The following OLFM3 variants were observed in gnomAD, a reference collection of about 807,000 sequenced individuals.
The protein encoded by OLFM3 is olfactomedin 3.
In OLFM3, 20 loss-of-function variants were observed where a neutral mutation model predicts 48.6. That is an observed-to-expected ratio of 0.41 (90% confidence interval 0.29 to 0.60). OLFM3 has a LOEUF of 0.60. OLFM3 is among the 20% of genes least tolerant of loss of function. The probability of loss-of-function intolerance (pLI) is 0.28; values close to 1 mark genes in which losing one functional copy is unlikely to be tolerated. For missense variants in OLFM3, 437 were observed against 544.3 expected (o/e 0.80, Z 1.96); for synonymous variants, 222 against 198.1 (o/e 1.12, Z -1.01).
At chr1:101,944,879 CAA>C (rs35504595) in intron 1 of OLFM3, among the ~76,000 whole-genome samples, 58,512 of 145,722 alleles carry the variant, frequency 0.4, 11,540 homozygotes, top group East Asian at 0.52. Flanking sequence ...GACTCCACCT[CAA>C]AAAAAAAAAA....
At chr1:101,819,638 CT>C (rs570726728) in intron 4 of OLFM3, among the ~76,000 whole-genome samples, 1 of 151,668 alleles carries the variant, frequency 6.6e-6, no homozygotes, top group African/African-American at 2.4e-5. Flanking sequence ...AATCTAGCCT[CT>C]TTTTTTTCTA....
intron 4 of OLFM3, chr1:101,813,189 C>G: frequency 2.2e-6 from 2 of 890,856 alleles, no homozygotes; most frequent in East Asian, 1.3e-4. Context: ...TGGACCAAAT[C>G]TGTATTGAGA....
chr1:101,846,914 G>T (rs780857894), intron 1 of OLFM3: 5 of 1,612,794 alleles, frequency 3.1e-6, no homozygotes, highest in East Asian at 4.5e-5. Flanking sequence ...GGGACATCCA[G>T]TTTGAGATCA....
intron 1 of OLFM3, among the ~76,000 whole-genome samples, chr1:101,984,679 C>A (rs1400764346): frequency 6.6e-6 from 1 of 152,184 alleles, no homozygotes; most frequent in Non-Finnish European, 1.5e-5. Flanking sequence ...GGATTACAGG[C>A]TTGAGCCACT....
intron 1 of OLFM3, among the ~76,000 whole-genome samples, chr1:101,967,296 G>T (rs1660639817): frequency 1.7e-5 from 1 of 58,366 alleles, no homozygotes; most frequent in Non-Finnish European, 3.7e-5. Context: ...TTTCATTTTG[G>T]CCAAAAAACA....
At chr1:101,863,046 C>A (rs113334072) in intron 1 of OLFM3, among the ~76,000 whole-genome samples, 1 of 151,130 alleles carries the variant, frequency 6.6e-6, no homozygotes, top group African/African-American at 2.4e-5. Context: ...TTGTAACCTC[C>A]GCCTCCCATG....
intron 1 of OLFM3, among the ~76,000 whole-genome samples, chr1:101,838,575 T>C (rs1655548901): frequency 6.6e-6 from 1 of 152,356 alleles, no homozygotes; most frequent in South Asian, 2.1e-4. Flanking sequence ...AGTGTCTGTA[T>C]TAATAAACTT....
intron 1 of OLFM3, among the ~76,000 whole-genome samples, chr1:101,915,605 G>T (rs768824163): frequency 2.6e-5 from 4 of 152,042 alleles, no homozygotes; most frequent in African/African-American, 7.2e-5. Flanking sequence ...TAGAAAATAA[G>T]TTGGCAAATA....
intron 1 of OLFM3, among the ~76,000 whole-genome samples, chr1:101,928,909 T>C (rs1360323538): frequency 6.6e-6 from 1 of 152,102 alleles, no homozygotes; most frequent in East Asian, 1.9e-4. Flanking sequence ...TCTAAGGATG[T>C]TTGATGCTGT....
chr1:101,888,838 A>G (rs10874525), intron 1 of OLFM3, among the ~76,000 whole-genome samples: 85,205 of 151,954 alleles, frequency 0.56, 24,082 homozygotes, highest in East Asian at 0.59. Flanking sequence ...AAAAGTGGGC[A>G]AAGGATATGA....
At chr1:101,920,485 A>G (rs181051412) in intron 1 of OLFM3, among the ~76,000 whole-genome samples, 1 of 152,374 alleles carries the variant, frequency 6.6e-6, no homozygotes, top group Non-Finnish European at 1.5e-5. Flanking sequence ...ATAGGTGAAC[A>G]TATTTTGTCT....
chr1:101,957,499 G>A (rs1175049013), intron 1 of OLFM3, among the ~76,000 whole-genome samples: 1 of 151,988 alleles, frequency 6.6e-6, no homozygotes, highest in African/African-American at 2.4e-5. Flanking sequence ...AATGGAAAGG[G>A]ACACAACACA....
intron 4 of OLFM3, among the ~76,000 whole-genome samples, chr1:101,812,120 G>T (rs1225054172): frequency 6.6e-6 from 1 of 151,880 alleles, no homozygotes; most frequent in Admixed American, 6.6e-5. Context: ...TCACTCATAG[G>T]TGGGAGTTGA....
At chr1:101,963,667 T>A (rs1557748794) in intron 1 of OLFM3, among the ~76,000 whole-genome samples, 1 of 152,194 alleles carries the variant, frequency 6.6e-6, no homozygotes, top group African/African-American at 2.4e-5. Context: ...TCATTTCACC[T>A]CTTTGTGAAT....
At chr1:101,805,943 C>A in intron 5 of OLFM3, 133 bp downstream of exon 5, 1 of 562,126 alleles carries the variant, frequency 1.8e-6, no homozygotes, top group Non-Finnish European at 3.2e-6. Flanking sequence ...TATTATCAAA[C>A]AGAAAATATT....
At chr1:101,941,604 G>A (rs1039087645) in intron 1 of OLFM3, among the ~76,000 whole-genome samples, 8 of 152,106 alleles carry the variant, frequency 5.3e-5, no homozygotes, top group Non-Finnish European at 1.2e-4. Context: ...AAAAGGAAGG[G>A]AAATCTAGAG....
intron 1 of OLFM3, among the ~76,000 whole-genome samples, chr1:101,980,098 A>G (rs1305568142): frequency 2.0e-5 from 3 of 152,182 alleles, no homozygotes; most frequent in East Asian, 3.8e-4. Flanking sequence ...AATTTATCCA[A>G]TGCCTGTACT....
chr1:101,860,191 T>C (rs1316059170), intron 1 of OLFM3, among the ~76,000 whole-genome samples: 8 of 152,070 alleles, frequency 5.3e-5, no homozygotes, highest in African/African-American at 1.9e-4. Context: ...CCAGAGTTCT[T>C]GTCATCCAGA....
chr1:101,899,841 C>G (rs981389625), intron 1 of OLFM3, among the ~76,000 whole-genome samples: 1 of 151,928 alleles, frequency 6.6e-6, no homozygotes, highest in Non-Finnish European at 1.5e-5. Flanking sequence ...TTTAATTTAA[C>G]ATTTAACACA....
Sources: allele counts gnomAD v4.1 joint callset (sites outside exome capture counted in the v4.1 genomes callset), GRCh38; gene constraint gnomAD v4.1.1; transcripts MANE v1.5; gene names NCBI Gene and HGNC (gene_info 2026-07-23, HGNC 2026-07-21).